ASTN2: variants seen among roughly 807,000 people sequenced by gnomAD.
ASTN2 encodes the protein astrotactin 2, also known as astrotactin-2.
Under a neutral mutation model 139.8 loss-of-function variants are expected in ASTN2, and 54 were observed. The ratio of observed to expected loss-of-function variants is 0.39; its 90% CI spans 0.31 to 0.48. ASTN2 has a LOEUF of 0.48. Among genes scored for constraint, ASTN2 ranks in the 20% least tolerant of loss-of-function variants. ASTN2 has a pLI of 0.95. For synonymous variants in ASTN2, 756 were observed against 719.5 expected (o/e 1.05, Z -0.81); for missense variants, 1,565 against 1,725.1 (o/e 0.91, Z 1.64).
chr9:116,832,818 T>C (rs1233667070), intron 11 of ASTN2, among the ~76,000 whole-genome samples: 1 of 152,096 alleles, frequency 6.6e-6, no homozygotes, highest in African/African-American at 2.4e-5. Context: ...GGTCTTACTT[T>C]GTAGTTTTCT....
rs1426827454 is a variant in ASTN2, at chr9:116,610,407, T to C, written c.3355+7917A>G. ...ATCACCAGAGGTCCGGAGTTTGAGA[T>C]CAGCCTGGCCAACATGGCGAAACCC... On this transcript the variant is annotated intron_variant, in intron 19 of 22. Transcript: ENST00000313400. Among the ~76,000 whole-genome samples the C allele has an allele frequency of 3.3e-5, 5 of 152,076 alleles. No homozygotes were observed. The East Asian group carries it at 9.6e-4, about 29-fold the overall frequency.
At chr9:116,892,535 G>C (rs889747552) in intron 10 of ASTN2, among the ~76,000 whole-genome samples, 2 of 152,058 alleles carry the variant, frequency 1.3e-5, no homozygotes, top group Non-Finnish European at 2.9e-5. Flanking sequence ...GAGCAAAAGA[G>C]AGAAGGCAGA....
chr9:116,725,711 C>T (rs1239065910), intron 16 of ASTN2, 60 bp downstream of exon 16: 8 of 1,553,442 alleles, frequency 5.1e-6, no homozygotes, highest in Non-Finnish European at 6.1e-6. Context: ...GTTGTCTCCC[C>T]AGACCCCTTG....
chr9:117,055,791 T>C (rs940188388), intron 5 of ASTN2, among the ~76,000 whole-genome samples: 1 of 152,216 alleles, frequency 6.6e-6, no homozygotes. Context: ...TTCCAAATTG[T>C]TCCCAATGGT....
chr9:116,428,432 G>A (rs1176146009), intron 22 of ASTN2, among the ~76,000 whole-genome samples: 1 of 151,948 alleles, frequency 6.6e-6, no homozygotes, highest in Non-Finnish European at 1.5e-5. Flanking sequence ...GCTGAGGCAG[G>A]AGAATCATTT....
chr9:117,160,408 T>C (rs1830521728), intron 3 of ASTN2, among the ~76,000 whole-genome samples: 1 of 59,250 alleles, frequency 1.7e-5, no homozygotes, highest in East Asian at 3.2e-4. Flanking sequence ...AGGACCAATC[T>C]CCCTAAAAAG....
chr9:117,018,627 G>A (rs1443758445), intron 6 of ASTN2, among the ~76,000 whole-genome samples: 1 of 152,110 alleles, frequency 6.6e-6, no homozygotes, highest in African/African-American at 2.4e-5. Context: ...AAGTGGGCAG[G>A]CACATCTGGA....
At chr9:116,745,217 G>A (rs1829202721) in intron 13 of ASTN2, among the ~76,000 whole-genome samples, 1 of 152,130 alleles carries the variant, frequency 6.6e-6, no homozygotes, top group Non-Finnish European at 1.5e-5. Flanking sequence ...GGCAGAATTG[G>A]ACTGACTACC....
intron 10 of ASTN2, among the ~76,000 whole-genome samples, chr9:116,918,370 C>A (rs1342125344): frequency 1.3e-5 from 2 of 152,098 alleles, no homozygotes; most frequent in Non-Finnish European, 2.9e-5. Context: ...AATTTCCTGT[C>A]CTGTGTCACA....
intron 1 of ASTN2, among the ~76,000 whole-genome samples, chr9:117,354,780 C>T (rs570416318): frequency 2.4e-4 from 37 of 152,272 alleles, no homozygotes; most frequent in African/African-American, 7.9e-4. Context: ...AACATCTCTT[C>T]CCCGTACTAG....
chr9:117,034,322 G>T (rs1197410015), intron 6 of ASTN2, among the ~76,000 whole-genome samples: 1 of 152,154 alleles, frequency 6.6e-6, no homozygotes, highest in East Asian at 1.9e-4. Flanking sequence ...GAGGCTAACT[G>T]CATGGCAATT....
intron 2 of ASTN2, 52 bp downstream of exon 2, chr9:117,291,274 C>T: frequency 1.3e-6 from 2 of 1,598,144 alleles, no homozygotes; most frequent in Non-Finnish European, 1.7e-6. Flanking sequence ...TCTCTCCACC[C>T]ATTCCTCCCC....
At chr9:117,261,785 G>C (rs2133109385) in intron 2 of ASTN2, among the ~76,000 whole-genome samples, 1 of 152,208 alleles carries the variant, frequency 6.6e-6, no homozygotes, top group East Asian at 1.9e-4. Flanking sequence ...CTAGCAGCAG[G>C]CAAGGAGGGG....
At chr9:117,175,921 TA>T (rs1026976464) in intron 3 of ASTN2, among the ~76,000 whole-genome samples, 20 of 152,096 alleles carry the variant, frequency 1.3e-4, no homozygotes, top group African/African-American at 4.8e-4. Context: ...TTAACAAAAC[TA>T]AAACATAAGT....
intron 19 of ASTN2, among the ~76,000 whole-genome samples, chr9:116,565,387 C>CTATATA (rs1491583433): frequency 7.1e-5 from 3 of 42,092 alleles, no homozygotes; most frequent in African/African-American, 1.1e-4. Context: ...CTCTCTCTCT[C>CTATATA]CATATATATA....
Position 116,698,554 on chromosome 9 carries a change from G to A in ASTN2, c.2806+27217C>T, listed in dbSNP as rs773872830. ...CCAGAGCTCACTGCCAGCTTGCCTC[G>A]GGAGCTCACCCTGCAAGATGTGGAG... On this transcript the variant is annotated intron_variant, in intron 16 of 22. Coordinates refer to ENST00000313400, the MANE Select transcript of ASTN2 (RefSeq NM_001365068.1). This position sits in a 1 kb window ranked among gnomAD's most constrained non-coding sequence, Gnocchi z 4.4. The A allele has an allele frequency of 1.1e-5, 18 of 1,613,772 alleles. No homozygotes were observed. Among genetic ancestry groups the A allele is most frequent in the Non-Finnish European group, 1.2e-5 (14 of 1,180,018 alleles).
intron 11 of ASTN2, among the ~76,000 whole-genome samples, chr9:116,837,556 G>T (rs1018918565): frequency 6.6e-6 from 1 of 152,124 alleles, no homozygotes; most frequent in Non-Finnish European, 1.5e-5. Context: ...TCATCACCAA[G>T]CCATTTGTTT....
intron 13 of ASTN2, among the ~76,000 whole-genome samples, chr9:116,787,047 A>T (rs937167754): frequency 6.6e-6 from 1 of 152,228 alleles, no homozygotes; most frequent in African/African-American, 2.4e-5. Context: ...CTCCCCAGCC[A>T]TGGGGAACTG....
intron 5 of ASTN2, among the ~76,000 whole-genome samples, chr9:117,054,666 C>T (rs1839006344): frequency 6.6e-6 from 1 of 152,182 alleles, no homozygotes; most frequent in Admixed American, 6.5e-5. Flanking sequence ...GGGCACTGTA[C>T]ATAGACTGGA....
Sources: gnomAD v4.1 joint callset for allele counts (sites outside exome capture counted in the v4.1 genomes callset) on GRCh38, gnomAD v4.1.1 for gene constraint, Gnocchi (gnomAD v3.1) non-coding constraint, MANE v1.5 for transcripts, NCBI Gene and HGNC (gene_info 2026-07-23, HGNC 2026-07-21) for gene names.